PTPRD: variants seen among roughly 807,000 people sequenced by gnomAD.
The protein encoded by PTPRD is protein tyrosine phosphatase receptor type D, also known as receptor-type tyrosine-protein phosphatase delta.
A neutral mutation model predicts 214.5 loss-of-function variants in PTPRD; 34 were observed. The ratio of observed to expected loss-of-function variants is 0.16; its 90% CI spans 0.12 to 0.21. The LOEUF (loss-of-function observed/expected upper bound fraction) is 0.21. Among genes scored for constraint, PTPRD ranks in the 10% least tolerant of loss-of-function variants. The pLI, the probability that PTPRD is intolerant of heterozygous loss-of-function variation, is 1.00. For synonymous variants in PTPRD, 1,128 were observed against 845.7 expected, an observed-to-expected ratio of 1.33 and a Z score of -5.79; for missense variants, 2,545 against 2,398.7, an observed-to-expected ratio of 1.06 and a Z score of -1.27.
chr9:8,764,705 G>A (rs1304715179), intron 11 of PTPRD, among the ~76,000 whole-genome samples: 1 of 151,966 alleles, frequency 6.6e-6, no homozygotes, highest in East Asian at 1.9e-4. Flanking sequence ...TGAGGCAGGA[G>A]AGTTGTTTGA....
Position 9,789,599 on chromosome 9 carries a change from T to C in PTPRD, c.-367-22748A>G, listed in dbSNP as rs374870848. ...GATCAGGAGATCAGGAGATCAAGAC[T>C]ATCCTGGCTAACACGATGAAACCCC... On this transcript the variant is annotated intron_variant, in intron 5 of 45. Coordinates refer to ENST00000381196, the MANE Select transcript of PTPRD (RefSeq NM_002839.4). Among the ~76,000 whole-genome samples, 8 of 151,602 alleles carry C rather than the reference T, an allele frequency of 5.3e-5. No individual in the cohort carries two copies. In the East Asian group the frequency reaches 5.9e-4, roughly 11 times the overall value.
chr9:9,138,373 A>C (rs1470487685), intron 10 of PTPRD, among the ~76,000 whole-genome samples: 2 of 152,134 alleles, frequency 1.3e-5, no homozygotes. Context: ...AATGACTGTT[A>C]TGTACAATTA....
intron 5 of PTPRD, among the ~76,000 whole-genome samples, chr9:9,911,517 G>C (rs1364185342): frequency 6.7e-6 from 1 of 149,018 alleles, no homozygotes. Context: ...ACCATACACA[G>C]AGTTATACTG....
At chr9:9,693,326 T>C (rs1344527034) in intron 7 of PTPRD, among the ~76,000 whole-genome samples, 13 of 152,104 alleles carry the variant, frequency 8.5e-5, no homozygotes, top group Non-Finnish European at 1.5e-5. Context: ...TGTTCTCATG[T>C]TTGTGAGTGG....
At chr9:9,607,375 T>C (rs2094230988) in intron 7 of PTPRD, among the ~76,000 whole-genome samples, 1 of 152,170 alleles carries the variant, frequency 6.6e-6, no homozygotes, top group South Asian at 2.1e-4. Flanking sequence ...CACTGGACAC[T>C]ATATGCTCCA....
chr9:9,577,057 T>C (rs1255112002), intron 7 of PTPRD, among the ~76,000 whole-genome samples: 1 of 152,168 alleles, frequency 6.6e-6, no homozygotes, highest in Non-Finnish European at 1.5e-5. Context: ...ATGTTGGGTA[T>C]GTAGATTGTA....
At position 8,591,398 on chromosome 9, in the gene PTPRD, T is replaced by G. The variant is rs143446718; in HGVS notation, c.352+41919A>C. Reference sequence around the variant, plus strand: ...TGAAAACTTCAAAGGAAGACACATCTGACACTCTTCTGTTGGGAGAGTTTA... The same window carrying G: ...TGAAAACTTCAAAGGAAGACACATCGGACACTCTTCTGTTGGGAGAGTTTA... On this transcript the variant is annotated intron_variant, in intron 14 of 45. Coordinates refer to ENST00000381196, the MANE Select transcript of PTPRD (RefSeq NM_002839.4). Among the ~76,000 whole-genome samples the G allele has an allele frequency of 3.3e-3, 506 of 152,322 alleles. 5 individuals carry two copies. Among genetic ancestry groups the G allele is most frequent in the African/African-American group, 0.012 (489 of 41,578 alleles).
chr9:9,197,846 T>A (rs2099939534), intron 9 of PTPRD, among the ~76,000 whole-genome samples: 3 of 152,256 alleles, frequency 2.0e-5, no homozygotes, highest in Admixed American at 2.0e-4. Context: ...TTCTACTTTT[T>A]ATCTTTTTCT....
chr9:10,439,226 C>T (rs774951417), intron 2 of PTPRD, among the ~76,000 whole-genome samples: 1 of 151,562 alleles, frequency 6.6e-6, no homozygotes, highest in African/African-American at 2.4e-5. Context: ...GTCACTCACG[C>T]GTTTGAGAGT....
chr9:8,515,994 C>A (rs1011035209), intron 21 of PTPRD, among the ~76,000 whole-genome samples: 1 of 152,138 alleles, frequency 6.6e-6, no homozygotes, highest in African/African-American at 2.4e-5. Flanking sequence ...GGGCTTCAAA[C>A]CCTGGTTATG....
At chr9:9,407,138 A>G (rs901842636) in intron 8 of PTPRD, among the ~76,000 whole-genome samples, 27 of 151,936 alleles carry the variant, frequency 1.8e-4, no homozygotes, top group African/African-American at 6.5e-4. Flanking sequence ...CTGATTTATA[A>G]TACTGTAGAT....
At chr9:9,914,327 T>C (rs898372586) in intron 5 of PTPRD, among the ~76,000 whole-genome samples, 3 of 152,108 alleles carry the variant, frequency 2.0e-5, no homozygotes, top group African/African-American at 7.2e-5. Context: ...TCCCAAAGGC[T>C]TCCCCTAGTG....
intron 12 of PTPRD, among the ~76,000 whole-genome samples, chr9:8,706,406 A>G (rs986906043): frequency 7.9e-5 from 12 of 152,224 alleles, no homozygotes; most frequent in Admixed American, 7.2e-4. Context: ...GACTTGAAAT[A>G]GCTTTATGGA....
At chr9:9,874,917 A>T (rs569879430) in intron 5 of PTPRD, among the ~76,000 whole-genome samples, 1 of 152,164 alleles carries the variant, frequency 6.6e-6, no homozygotes, top group Non-Finnish European at 1.5e-5. Context: ...ATAAAATCTT[A>T]TGATTCCAAG....
At chr9:10,351,032 T>C (rs1428064201) in intron 2 of PTPRD, among the ~76,000 whole-genome samples, 1 of 152,074 alleles carries the variant, frequency 6.6e-6, no homozygotes, top group Non-Finnish European at 1.5e-5. Context: ...GGAGATGGCA[T>C]TTGAGCTAAG....
intron 2 of PTPRD, among the ~76,000 whole-genome samples, chr9:10,578,302 A>T (rs2070300873): frequency 6.6e-6 from 1 of 152,136 alleles, no homozygotes; most frequent in African/African-American, 2.4e-5. Flanking sequence ...TGAGTTTAGG[A>T]AGATATTGTA....
intron 3 of PTPRD, among the ~76,000 whole-genome samples, chr9:10,059,344 G>T (rs796804923): frequency 2.0e-5 from 3 of 152,244 alleles, no homozygotes; most frequent in African/African-American, 7.2e-5. Flanking sequence ...GTAAATTTAA[G>T]AGAAACATAT....
chr9:8,639,823 G>T (rs141725194), intron 12 of PTPRD, among the ~76,000 whole-genome samples: 1 of 152,222 alleles, frequency 6.6e-6, no homozygotes, highest in Non-Finnish European at 1.5e-5. Context: ...TCTAAATGGA[G>T]TGCAGAGAGA....
chr9:10,084,852 T>C (rs2098305090), intron 3 of PTPRD, among the ~76,000 whole-genome samples: 1 of 151,918 alleles, frequency 6.6e-6, no homozygotes, highest in African/African-American at 2.4e-5. Context: ...CAACACAGCA[T>C]GCTTAGAACA....
Sources: allele counts gnomAD v4.1 joint callset (sites outside exome capture counted in the v4.1 genomes callset), GRCh38; gene constraint gnomAD v4.1.1; transcripts MANE v1.5; gene names NCBI Gene and HGNC (gene_info 2026-07-23, HGNC 2026-07-21).